Variants in PCDHA10 observed in about 807,000 individuals in gnomAD.
PCDHA10 encodes the protein protocadherin alpha 10.
A neutral mutation model predicts 61.2 loss-of-function variants in PCDHA10; 45 were observed. The observed-to-expected ratio is 0.74, with a 90% CI of 0.58 to 0.94. The LOEUF is 0.94. Ranked by LOEUF, PCDHA10 falls within the 40% of genes least tolerant of loss-of-function variation. The probability of loss-of-function intolerance (pLI) is 0.00; values close to 1 mark genes in which losing one functional copy is unlikely to be tolerated. For synonymous variants in PCDHA10, 602 were observed against 548.8 expected (o/e 1.10, Z -1.35); for missense variants, 1,278 against 1,236.2 (o/e 1.03, Z -0.51).
intron 1 of PCDHA10, among the ~76,000 whole-genome samples, chr5:140,952,990 G>T (rs1218296143): frequency 6.6e-6 from 1 of 152,042 alleles, no homozygotes; most frequent in Non-Finnish European, 1.5e-5. Context: ...GATCTCATGA[G>T]AACTCTCTCA....
chr5:140,916,028 C>T (rs1554197245), intron 1 of PCDHA10, among the ~76,000 whole-genome samples: 1 of 152,152 alleles, frequency 6.6e-6, no homozygotes, highest in African/African-American at 2.4e-5. Flanking sequence ...TCCCATTCTT[C>T]CCTCCCCTTT....
chr5:140,997,567 G>A (rs1163598467), intron 3 of PCDHA10, among the ~76,000 whole-genome samples: 1 of 152,130 alleles, frequency 6.6e-6, no homozygotes, highest in Non-Finnish European at 1.5e-5. Flanking sequence ...ACTGTCATAT[G>A]TGTGGTCCGT....
chr5:140,871,036 C>G (rs781977409), intron 1 of PCDHA10: 3 of 1,613,274 alleles, frequency 1.9e-6, no homozygotes, highest in East Asian at 4.5e-5. Flanking sequence ...GCCGCGCCAC[C>G]GACTTCTAGT....
chr5:140,890,737 T>C (rs926717911), intron 1 of PCDHA10, among the ~76,000 whole-genome samples: 1 of 152,240 alleles, frequency 6.6e-6, no homozygotes. Flanking sequence ...TTGACTTATA[T>C]ACTATTTCTG....
chr5:140,889,409 A>C (rs1448554315), intron 1 of PCDHA10, among the ~76,000 whole-genome samples: 5 of 152,024 alleles, frequency 3.3e-5, no homozygotes, highest in African/African-American at 1.2e-4. Context: ...TACTCGAGTC[A>C]GTTACGTAGA....
At chr5:140,890,995 AATTATTG>A (rs2062893933) in intron 1 of PCDHA10, among the ~76,000 whole-genome samples, 1 of 152,138 alleles carries the variant, frequency 6.6e-6, no homozygotes, top group Non-Finnish European at 1.5e-5. Context: ...ATTTCATCAT[AATTATTG>A]AAAAGCATTT....
At chr5:140,869,471 T>A in intron 1 of PCDHA10, 1 of 1,613,696 alleles carries the variant, frequency 6.2e-7, no homozygotes, top group East Asian at 2.2e-5. Context: ...AACGTGGAGG[T>A]GAAGGACATT....
chr5:140,968,996 G>A, intron 1 of PCDHA10: 1 of 1,614,202 alleles, frequency 6.2e-7, no homozygotes, highest in Non-Finnish European at 8.5e-7. Flanking sequence ...ATGCTGTGGA[G>A]GCTTCTGTGG....
intron 1 of PCDHA10, among the ~76,000 whole-genome samples, chr5:140,976,505 C>T (rs538128648): frequency 3.3e-5 from 5 of 152,122 alleles, no homozygotes; most frequent in East Asian, 3.9e-4. Flanking sequence ...GAGCCAAGAT[C>T]GCGCCACTGC....
At chr5:140,985,974 C>T (rs562510809) in intron 3 of PCDHA10, among the ~76,000 whole-genome samples, 3 of 152,198 alleles carry the variant, frequency 2.0e-5, no homozygotes, top group Admixed American at 1.3e-4. Context: ...CTCCTGACCT[C>T]GTGATCCGCC....
chr5:140,929,540 G>A, intron 1 of PCDHA10: 1 of 549,498 alleles, frequency 1.8e-6, no homozygotes, highest in Admixed American at 4.2e-5. Context: ...GAGAAACAAG[G>A]GCAAAAATTA....
chr5:140,892,310 A>AT (rs1422110989), intron 1 of PCDHA10, among the ~76,000 whole-genome samples: 1 of 152,230 alleles, frequency 6.6e-6, no homozygotes, highest in Non-Finnish European at 1.5e-5. Flanking sequence ...TTTGGGGCTT[A>AT]TAACATTTTC....
At chr5:140,968,580 C>T (rs782395602) in intron 1 of PCDHA10, 1 of 1,614,218 alleles carries the variant, frequency 6.2e-7, no homozygotes, top group Admixed American at 1.7e-5. Context: ...TACCTGGTCA[C>T]CAAAGTCATA....
intron 1 of PCDHA10, among the ~76,000 whole-genome samples, chr5:140,950,025 T>C (rs907309880): frequency 6.6e-6 from 1 of 151,922 alleles, no homozygotes; most frequent in East Asian, 1.9e-4. Context: ...TCATAAAATA[T>C]AGAAAAGTTA....
chr5:140,865,458 GA>G (rs1462092731), intron 1 of PCDHA10: 4 of 152,192 alleles, frequency 2.6e-5, no homozygotes, highest in African/African-American at 9.6e-5. Flanking sequence ...TGATTTCTAT[GA>G]AGATAAACAT....
Position 140,946,525 on chromosome 5 carries a change from A to G in PCDHA10, c.2389-32424A>G, listed in dbSNP as rs115610574. On this transcript the variant is annotated intron_variant, in intron 1 of 3. Transcript: ENST00000307360. ...ATGTCAAAGACCTATCCGCACTCCC[A>G]TGTTCATTGCAGCATTATTCATGAT... 6.9e-3 allele frequency among the ~76,000 whole-genome samples: 1,050 copies of G among 151,290 alleles called. 19 individuals carry two copies. The highest frequency in any genetic ancestry group is 0.024 in the African/African-American group (983 of 41,050).
At chr5:140,902,647 G>T (rs1286700570) in intron 1 of PCDHA10, among the ~76,000 whole-genome samples, 3 of 150,932 alleles carry the variant, frequency 2.0e-5, no homozygotes, top group African/African-American at 7.3e-5. Context: ...CTGAGATTTT[G>T]GTGCACCTGT....
chr5:140,889,434 G>T (rs1349291699), intron 1 of PCDHA10, among the ~76,000 whole-genome samples: 1 of 151,774 alleles, frequency 6.6e-6, no homozygotes, highest in African/African-American at 2.4e-5. Context: ...ATTTTTTCAG[G>T]TATTTTCCTG....
intron 1 of PCDHA10, among the ~76,000 whole-genome samples, chr5:140,948,503 A>G (rs949915439): frequency 1.4e-4 from 22 of 151,736 alleles, no homozygotes; most frequent in Middle Eastern, 3.4e-3. Flanking sequence ...TAGACTTTCT[A>G]TTAAAAATGT....
Sources: allele counts gnomAD v4.1 joint callset (sites outside exome capture counted in the v4.1 genomes callset), GRCh38; gene constraint gnomAD v4.1.1; transcripts MANE v1.5; gene names NCBI Gene and HGNC (gene_info 2026-07-23, HGNC 2026-07-21).